NAT1: variants seen among roughly 807,000 people sequenced by gnomAD.
NAT1 encodes the protein N-acetyltransferase 1.
For synonymous variants in NAT1, 144 were observed against 122.6 expected (o/e 1.17, Z -1.16); for missense variants, 400 against 339.2 (o/e 1.18, Z -1.41).
chr8:18,182,207 G>C (rs763672335), intron 2 of NAT1, among the ~76,000 whole-genome samples: 8 of 152,302 alleles, frequency 5.3e-5, no homozygotes, highest in Admixed American at 2.6e-4. Flanking sequence ...TTCTTGCAAG[G>C]ATAGTTGTTC....
chr8:18,180,946 T>C (rs914628717), intron 2 of NAT1, among the ~76,000 whole-genome samples: 3 of 152,150 alleles, frequency 2.0e-5, no homozygotes, highest in Non-Finnish European at 4.4e-5. Flanking sequence ...GTGATGCTTC[T>C]AGTTATATTC....
At chr8:18,195,112 C>T (rs956008679) in intron 2 of NAT1, among the ~76,000 whole-genome samples, 1 of 152,166 alleles carries the variant, frequency 6.6e-6, no homozygotes, top group Non-Finnish European at 1.5e-5. Flanking sequence ...CATCTCAAGA[C>T]CAGGAGCCTC....
At chr8:18,210,362 AG>A (rs1803956540) in intron 1 of NAT1, among the ~76,000 whole-genome samples, 182 bp downstream of exon 1, 1 of 152,176 alleles carries the variant, frequency 6.6e-6, no homozygotes, top group Non-Finnish European at 1.5e-5. Context: ...TGACAGTTAC[AG>A]GTCCTTGATT....
upstream of NAT1, among the ~76,000 whole-genome samples, chr8:18,206,236 C>A (rs949085032): frequency 1.3e-5 from 2 of 152,210 alleles, no homozygotes; most frequent in African/African-American, 4.8e-5. Flanking sequence ...ACAGGGACAA[C>A]ACCAGGTATG....
At chr8:18,219,090 G>A (rs1490439032) in intron 1 of NAT1, among the ~76,000 whole-genome samples, 1 of 152,096 alleles carries the variant, frequency 6.6e-6, no homozygotes, top group African/African-American at 2.4e-5. Flanking sequence ...ATGGAACTTG[G>A]TTCACCCTTC....
upstream of NAT1, among the ~76,000 whole-genome samples, chr8:18,205,510 G>T (rs1385610022): frequency 6.6e-6 from 1 of 152,156 alleles, no homozygotes; most frequent in Non-Finnish European, 1.5e-5. Context: ...CGGGGGCAGG[G>T]CTGGCTGGCT....
intron 2 of NAT1, among the ~76,000 whole-genome samples, chr8:18,199,475 A>G (rs976573727): frequency 1.3e-5 from 2 of 152,056 alleles, no homozygotes; most frequent in African/African-American, 2.4e-5. Flanking sequence ...AGACGTCTAG[A>G]GACCCTGAGA....
intron 1 of NAT1, among the ~76,000 whole-genome samples, chr8:18,213,558 A>G (rs1239141596): frequency 6.6e-6 from 1 of 152,056 alleles, no homozygotes; most frequent in African/African-American, 2.4e-5. Flanking sequence ...CTAACCAACC[A>G]AATAGCTTTT....
intron 2 of NAT1, among the ~76,000 whole-genome samples, chr8:18,172,893 T>C (rs1254818597): frequency 2.0e-5 from 3 of 152,158 alleles, no homozygotes; most frequent in Admixed American, 2.0e-4. Context: ...AGGGAGACTT[T>C]CTAAAACGAG....
chr8:18,193,784 G>A (rs1270517868), intron 2 of NAT1, among the ~76,000 whole-genome samples: 1 of 151,358 alleles, frequency 6.6e-6, no homozygotes, highest in Non-Finnish European at 1.5e-5. Context: ...TGGGATACAG[G>A]TGCCTGCCAC....
chr8:18,220,939 A>G (rs1390934583), intron 2 of NAT1, among the ~76,000 whole-genome samples: 1 of 152,158 alleles, frequency 6.6e-6, no homozygotes, highest in Non-Finnish European at 1.5e-5. Flanking sequence ...ATAAGGCGCA[A>G]TATGGGCAGC....
Position 18,187,167 on chromosome 8 carries a change from C to T in NAT1, n.92+16428C>T, listed in dbSNP as rs182575478. Among the ~76,000 whole-genome samples, 927 of 152,224 alleles carry T rather than the reference C, an allele frequency of 6.1e-3. 7 individuals carry two copies. Among genetic ancestry groups the T allele is most frequent in the Non-Finnish European group, 0.01 (687 of 68,010 alleles). ...CAATGATATACCATCTGACACCGGT[C>T]ACTGTGGTTATTATTAAAACATTAA... On this transcript the variant is annotated intron_variant and non_coding_transcript_variant, in intron 2 of 4. Coordinates refer to the NAT1 transcript ENST00000517441.
intron 2 of NAT1, among the ~76,000 whole-genome samples, chr8:18,190,883 A>G (rs1222945564): frequency 1.3e-5 from 2 of 152,164 alleles, no homozygotes; most frequent in Non-Finnish European, 2.9e-5. Context: ...CCTGGCCAAC[A>G]CAGTGAAACC....
upstream of NAT1, among the ~76,000 whole-genome samples, chr8:18,205,727 G>C (rs761921495): frequency 6.6e-6 from 1 of 152,214 alleles, no homozygotes; most frequent in Non-Finnish European, 1.5e-5. Flanking sequence ...AGTGTGGAGA[G>C]GGTGCATGCA....
At chr8:18,210,921 C>A (rs28359491) in intron 1 of NAT1, among the ~76,000 whole-genome samples, 5 of 152,118 alleles carry the variant, frequency 3.3e-5, no homozygotes, top group African/African-American at 1.2e-4. Flanking sequence ...ATTACAGGCA[C>A]CCGCCACCAT....
At chr8:18,178,621 C>T (rs1369750157) in intron 2 of NAT1, among the ~76,000 whole-genome samples, 4 of 152,160 alleles carry the variant, frequency 2.6e-5, no homozygotes. Context: ...AAAATTATCA[C>T]TGTTCTTTCC....
intron 2 of NAT1, among the ~76,000 whole-genome samples, chr8:18,197,289 T>C (rs748879043): frequency 2.7e-5 from 4 of 149,432 alleles, no homozygotes; most frequent in Non-Finnish European, 2.9e-5. Flanking sequence ...GTGACACAGA[T>C]TTTTTTTATT....
chr8:18,215,244 T>C (rs1804522137), intron 1 of NAT1, among the ~76,000 whole-genome samples: 1 of 152,258 alleles, frequency 6.6e-6, no homozygotes, highest in Admixed American at 6.5e-5. Flanking sequence ...GTCTTTGCTA[T>C]TGTGAATAGT....
In NAT1 at chr8:18,182,161, A is replaced by C. The variant is rs118071129; in HGVS notation, n.92+11422A>C. Reference sequence around the variant, plus strand: ...TTATGCTAAAACCAGGTACTGTGATAGCTCACCTGATTTCTTTAGCTCTTT... The same window carrying C: ...TTATGCTAAAACCAGGTACTGTGATCGCTCACCTGATTTCTTTAGCTCTTT... On this transcript the variant is annotated intron_variant and non_coding_transcript_variant, in intron 2 of 4. Transcript: ENST00000517441. Among the ~76,000 whole-genome samples, 108 of 152,246 alleles carry C rather than the reference A, an allele frequency of 7.1e-4. No homozygotes were observed. In the East Asian group the frequency reaches 0.013, roughly 19 times the overall value.
Sources: gnomAD v4.1 joint callset for allele counts (sites outside exome capture counted in the v4.1 genomes callset) on GRCh38, gnomAD v4.1.1 for gene constraint, MANE v1.5 for transcripts, NCBI Gene and HGNC (gene_info 2026-07-23, HGNC 2026-07-21) for gene names.